KLF12: variants seen among roughly 807,000 people sequenced by gnomAD.
KLF12 encodes KLF transcription factor 12.
Under a neutral mutation model 37.8 loss-of-function variants are expected in KLF12, and 9 were observed. That is an observed-to-expected ratio of 0.24 (90% CI 0.14 to 0.42). The LOEUF is 0.42. Ranked by LOEUF, KLF12 falls within the 10% of genes least tolerant of loss-of-function variation. The pLI, the probability that KLF12 is intolerant of heterozygous loss-of-function variation, is 1.00. For synonymous variants in KLF12, 208 were observed against 202.1 expected, an observed-to-expected ratio of 1.03 and a Z score of -0.25; for missense variants, 411 against 516.0, an observed-to-expected ratio of 0.80 and a Z score of 1.97.
the KLF12 span, among the ~76,000 whole-genome samples, chr13:74,276,315 G>A: frequency 6.6e-6 from 1 of 152,066 alleles, no homozygotes; most frequent in Non-Finnish European, 1.5e-5. Context: ...TTCTCACTAT[G>A]TTGTACAGGC....
chr13:74,272,741 C>T, the KLF12 span, among the ~76,000 whole-genome samples: 4,917 of 152,110 alleles, frequency 0.032, 120 homozygotes, highest in Middle Eastern at 0.071. Context: ...TAGAAGAAGG[C>T]TATGTGTCTA....
In KLF12 at chr13:73,688,684, C is replaced by T. The variant is rs561553584; in HGVS notation, c.*6806G>A. On this transcript the variant is annotated 3_prime_UTR_variant, in exon 8 of 8. Transcript: ENST00000377669. ...TAATGATCCTTCATGCATGATTTTC[C>T]GGGAAAGGCCTGATTTCAAATATTC... is the stretch of plus-strand genomic sequence containing the variant. The T allele has an allele frequency of 3.3e-5, 5 of 152,198 alleles. No homozygotes were observed. The highest frequency in any genetic ancestry group is 2.1e-4 in the South Asian group (1 of 4,824). The allele number at this position is 152,198 out of a possible 1,614,324, so 9.4% of individuals were successfully genotyped here. A position where few individuals can be genotyped will look rare whatever the true frequency, so the allele number is the denominator to read the frequency against.
intron 6 of KLF12, among the ~76,000 whole-genome samples, chr13:73,753,286 G>A (rs1022023466): frequency 4.6e-5 from 7 of 152,056 alleles, no homozygotes; most frequent in Admixed American, 3.9e-4. Flanking sequence ...GAAGGCCTTT[G>A]TGTGAGCTGT....
chr13:73,743,054 C>G (rs1005008241), intron 6 of KLF12, among the ~76,000 whole-genome samples: 2 of 152,018 alleles, frequency 1.3e-5, no homozygotes, highest in African/African-American at 4.8e-5. Flanking sequence ...TAGTCTCATC[C>G]CTTTCGTAGT....
the KLF12 span, among the ~76,000 whole-genome samples, chr13:74,247,812 G>A: frequency 5.0e-4 from 76 of 152,146 alleles, no homozygotes; most frequent in Non-Finnish European, 9.4e-4. Flanking sequence ...TTTCATGTCC[G>A]TGAGATGTAA....
chr13:73,943,254 C>G (rs979882949), intron 3 of KLF12, among the ~76,000 whole-genome samples: 1 of 152,188 alleles, frequency 6.6e-6, no homozygotes. Flanking sequence ...AAGTAGCCAA[C>G]AGGCACTCAG....
chr13:74,289,057 C>G, the KLF12 span: 12 of 152,310 alleles, frequency 7.9e-5, no homozygotes, highest in African/African-American at 2.6e-4. Context: ...CTACAACACC[C>G]AGATAAACTT....
intron 1 of KLF12, among the ~76,000 whole-genome samples, chr13:74,101,323 C>T (rs989673630): frequency 8.5e-5 from 13 of 152,274 alleles, no homozygotes; most frequent in South Asian, 4.2e-4. Context: ...AATTCCCATG[C>T]GCTTGCACAT....
rs1874472608 is a variant in KLF12 at position 73,700,504 on chromosome 13, A to G, written c.1028-4833T>C. Among the ~76,000 whole-genome samples, 3 of 152,112 alleles carry G rather than the reference A, an allele frequency of 2.0e-5. No homozygotes were observed. The South Asian group carries it at 6.2e-4, about 32-fold the overall frequency. ...AAACATACACTTTTACGATCCCCCC[A>G]AAAATCCTATGCATAATATTCTTCG... On this transcript the variant is annotated intron_variant, in intron 7 of 7. Coordinates refer to ENST00000377669, the MANE Select transcript of KLF12 (RefSeq NM_007249.5).
intron 2 of KLF12, among the ~76,000 whole-genome samples, chr13:73,951,889 C>T (rs1223418875): frequency 2.0e-5 from 3 of 152,200 alleles, no homozygotes; most frequent in Non-Finnish European, 4.4e-5. Context: ...AGAGAGTTCT[C>T]TTTTTGTTCG....
chr13:73,822,721 G>A (rs1372054671), intron 4 of KLF12, among the ~76,000 whole-genome samples: 1 of 152,080 alleles, frequency 6.6e-6, no homozygotes, highest in East Asian at 1.9e-4. Context: ...CTTGTTTCCT[G>A]AAAGTACGTC....
intron 1 of KLF12, among the ~76,000 whole-genome samples, chr13:74,083,378 G>A (rs758636951): frequency 1.1e-4 from 17 of 151,898 alleles, no homozygotes; most frequent in East Asian, 5.8e-4. Context: ...ATGGTGACGC[G>A]TGCCTGTAGT....
At chr13:74,015,031 C>A (rs1026646316) in intron 1 of KLF12, among the ~76,000 whole-genome samples, 1 of 151,920 alleles carries the variant, frequency 6.6e-6, no homozygotes, top group African/African-American at 2.4e-5. Context: ...ATGATCATAG[C>A]TGGATAGAGG....
In KLF12 at chr13:73,731,671, T is replaced by G. The variant is rs538793307; in HGVS notation, c.870-16146A>C. Among the ~76,000 whole-genome samples, 3 of 152,310 alleles carry G rather than the reference T, an allele frequency of 2.0e-5. No individual in the cohort carries two copies. The South Asian group carries it at 6.2e-4, about 32-fold the overall frequency. ...CCTAGGTGATTGCTTTTCTGATTGT[T>G]TTTAATTATAGGAGTTTGTTTTTCA... On this transcript the variant is annotated intron_variant, in intron 6 of 7. Coordinates refer to ENST00000377669, the MANE Select transcript of KLF12 (RefSeq NM_007249.5).
intron 6 of KLF12, among the ~76,000 whole-genome samples, chr13:73,753,612 G>T (rs1878938527): frequency 6.6e-6 from 1 of 151,264 alleles, no homozygotes; most frequent in African/African-American, 2.4e-5. Context: ...TACTGAAGAG[G>T]GAACAGATGA....
At chr13:73,853,110 G>A (rs896844348) in intron 3 of KLF12, among the ~76,000 whole-genome samples, 4 of 151,898 alleles carry the variant, frequency 2.6e-5, no homozygotes, top group Non-Finnish European at 4.4e-5. Context: ...CTCGTGATCC[G>A]CCTCCCTCGG....
the KLF12 span, among the ~76,000 whole-genome samples, chr13:74,293,354 T>G: frequency 6.6e-6 from 1 of 152,168 alleles, no homozygotes; most frequent in Non-Finnish European, 1.5e-5. Flanking sequence ...CCTGTTCATA[T>G]TGGCTGTGAT....
intron 1 of KLF12, among the ~76,000 whole-genome samples, chr13:74,055,026 G>C (rs1376825920): frequency 3.9e-5 from 6 of 152,134 alleles, no homozygotes; most frequent in African/African-American, 1.4e-4. Flanking sequence ...TACAATAACA[G>C]GGCAAAGAAA....
chr13:73,748,005 A>G (rs970370102), intron 6 of KLF12, among the ~76,000 whole-genome samples: 1 of 152,224 alleles, frequency 6.6e-6, no homozygotes, highest in Non-Finnish European at 1.5e-5. Flanking sequence ...AACAAAGTAC[A>G]ATGTCCATTT....
Sources: allele counts gnomAD v4.1 joint callset (sites outside exome capture counted in the v4.1 genomes callset), GRCh38; gene constraint gnomAD v4.1.1; transcripts MANE v1.5; gene names NCBI Gene and HGNC (gene_info 2026-07-23, HGNC 2026-07-21).